SNX18: variants seen among roughly 807,000 people sequenced by gnomAD.
SNX18 encodes sorting nexin-18.
Under a neutral mutation model 48.7 loss-of-function variants are expected in SNX18, and 35 were observed. The observed-to-expected ratio is 0.72, with a 90% CI of 0.55 to 0.95. The LOEUF is 0.95. SNX18 is among the 40% of genes least tolerant of loss of function. SNX18 has a pLI of 0.00. For missense variants in SNX18, 824 were observed against 871.0 expected (o/e 0.95, Z 0.68); for synonymous variants, 492 against 384.7 (o/e 1.28, Z -3.26).
At chr5:54,601,963 C>T in the SNX18 span, among the ~76,000 whole-genome samples, 1 of 152,182 alleles carries the variant, frequency 6.6e-6, no homozygotes, top group East Asian at 1.9e-4. Context: ...TGGAGTTTTT[C>T]ATAATTCCCT....
chr5:54,554,361 A>G, the SNX18 span, among the ~76,000 whole-genome samples: 2 of 152,194 alleles, frequency 1.3e-5, no homozygotes, highest in East Asian at 1.9e-4. Context: ...TGGCTTCACT[A>G]TGTTTTAAAA....
intron 1 of SNX18, among the ~76,000 whole-genome samples, chr5:54,540,154 C>G (rs1198667397): frequency 6.6e-6 from 1 of 152,054 alleles, no homozygotes; most frequent in Non-Finnish European, 1.5e-5. Flanking sequence ...ATTGCTGTAT[C>G]TGAGACTTTG....
At chr5:54,633,606 TATA>T in the SNX18 span, among the ~76,000 whole-genome samples, 2 of 152,200 alleles carry the variant, frequency 1.3e-5, no homozygotes, top group African/African-American at 2.4e-5. Flanking sequence ...TAAAAATGGT[TATA>T]ATATTATATA....
chr5:54,529,114 TG>T (rs1762202757), intron 1 of SNX18, among the ~76,000 whole-genome samples: 1 of 151,200 alleles, frequency 6.6e-6, no homozygotes, highest in Non-Finnish European at 1.5e-5. Flanking sequence ...AGAACGTGGT[TG>T]GGGGTTAAGT....
At chr5:54,586,636 C>T in the SNX18 span, among the ~76,000 whole-genome samples, 1 of 152,210 alleles carries the variant, frequency 6.6e-6, no homozygotes, top group Admixed American at 6.5e-5. Context: ...CCATTAATAA[C>T]AGCATTAATC....
At chr5:54,639,198 C>G in the SNX18 span, among the ~76,000 whole-genome samples, 1 of 144,564 alleles carries the variant, frequency 6.9e-6, no homozygotes, top group Non-Finnish European at 1.5e-5. Flanking sequence ...ACCGAATGCT[C>G]TCCCAATCAG....
chr5:54,523,553 G>T (rs921592781), intron 1 of SNX18, among the ~76,000 whole-genome samples: 4 of 152,182 alleles, frequency 2.6e-5, no homozygotes, highest in Middle Eastern at 3.2e-3. Context: ...GTGTTAAATT[G>T]ATTTGTCGAT....
rs564381862 is a variant in SNX18, at chr5:54,521,828, G to A, written c.1621+2255G>A. ...AGCAATCCTTCCAGCTCAGCCTCCCGAAGTGCTGGGATTACAAGCGTGAAC... is the reference window on the plus strand; with the variant it reads ...AGCAATCCTTCCAGCTCAGCCTCCCAAAGTGCTGGGATTACAAGCGTGAAC... On this transcript the variant is annotated intron_variant, in intron 1 of 1. Transcript: ENST00000381410. Among the ~76,000 whole-genome samples the A allele has an allele frequency of 2.3e-4, 35 of 152,174 alleles. 1 individual carries two copies. Among genetic ancestry groups the A allele is most frequent in the East Asian group, 5.8e-4 (3 of 5,164 alleles).
the SNX18 span, among the ~76,000 whole-genome samples, chr5:54,640,784 G>A: frequency 2.6e-4 from 40 of 152,282 alleles, no homozygotes; most frequent in Non-Finnish European, 4.6e-4. Context: ...AGGAGGCTGG[G>A]TGTGGTGGCT....
chr5:54,588,485 G>A, the SNX18 span, among the ~76,000 whole-genome samples: 13 of 151,630 alleles, frequency 8.6e-5, no homozygotes, highest in South Asian at 1.9e-3. Context: ...CCACCACCAC[G>A]CCTAACTAAT....
chr5:54,643,476 C>T, the SNX18 span: 1 of 152,102 alleles, frequency 6.6e-6, no homozygotes, highest in South Asian at 2.1e-4. Flanking sequence ...TGGTTGAACC[C>T]ATCTAAATAA....
chr5:54,604,025 A>G, the SNX18 span, among the ~76,000 whole-genome samples: 25 of 152,202 alleles, frequency 1.6e-4, no homozygotes, highest in Non-Finnish European at 2.8e-4. Context: ...TTGAGTGTCC[A>G]TTATGTGCCA....
chr5:54,615,765 A>G, the SNX18 span, among the ~76,000 whole-genome samples: 22 of 152,234 alleles, frequency 1.4e-4, no homozygotes, highest in Non-Finnish European at 2.4e-4. Context: ...GACAAAGCAC[A>G]TGTTATTTGT....
the SNX18 span, among the ~76,000 whole-genome samples, chr5:54,566,906 A>T: frequency 6.6e-6 from 1 of 151,916 alleles, no homozygotes. Flanking sequence ...GTTCATTACG[A>T]CTCCCCATCC....
intron 1 of SNX18, among the ~76,000 whole-genome samples, chr5:54,523,736 A>T (rs1231710440): frequency 6.6e-6 from 1 of 152,188 alleles, no homozygotes; most frequent in African/African-American, 2.4e-5. Context: ...TGGGCCTGTC[A>T]GTCTTGCTGG....
At chr5:54,604,426 A>G in the SNX18 span, among the ~76,000 whole-genome samples, 34 of 152,214 alleles carry the variant, frequency 2.2e-4, no homozygotes, top group Non-Finnish European at 4.4e-4. Context: ...ATGAAATACT[A>G]TTGTCTTAAG....
the SNX18 span, among the ~76,000 whole-genome samples, chr5:54,576,607 T>C: frequency 6.6e-6 from 1 of 152,224 alleles, no homozygotes; most frequent in Non-Finnish European, 1.5e-5. Flanking sequence ...ACGTTTCTTA[T>C]GTGCACCCCT....
chr5:54,526,131 G>A (rs559573188), intron 1 of SNX18, among the ~76,000 whole-genome samples: 9 of 152,160 alleles, frequency 5.9e-5, no homozygotes, highest in Non-Finnish European at 1.3e-4. Flanking sequence ...TAAAGATGGA[G>A]TCTTGCTCTG....
the SNX18 span, among the ~76,000 whole-genome samples, chr5:54,597,627 C>CT: frequency 3.9e-5 from 6 of 152,196 alleles, no homozygotes; most frequent in Non-Finnish European, 7.3e-5. Context: ...TAACAGCCTG[C>CT]TCCTGAATGA....
Sources: allele counts gnomAD v4.1 joint callset (sites outside exome capture counted in the v4.1 genomes callset), GRCh38; gene constraint gnomAD v4.1.1; transcripts MANE v1.5; gene names NCBI Gene and HGNC (gene_info 2026-07-23, HGNC 2026-07-21).